The following MAPK4 variants were observed in gnomAD, a reference collection of about 807,000 sequenced individuals.
The protein encoded by MAPK4 is Erk3-related.
MAPK4 carries 22 observed loss-of-function variants against 47.7 expected under a neutral mutation model. The ratio of observed to expected loss-of-function variants is 0.46; its 90% CI spans 0.33 to 0.66. MAPK4 has a LOEUF of 0.66. MAPK4 is among the 30% of genes least tolerant of loss of function. The pLI is 0.02. For synonymous variants in MAPK4, 390 were observed against 365.7 expected (o/e 1.07, Z -0.76); for missense variants, 736 against 831.7 (o/e 0.88, Z 1.42).
chr18:50,717,035 G>T (rs1910676023), intron 3 of MAPK4, among the ~76,000 whole-genome samples: 1 of 152,098 alleles, frequency 6.6e-6, no homozygotes, highest in African/African-American at 2.4e-5. Flanking sequence ...TGAGGCTGTT[G>T]GCACCTACGT....
intron 4 of MAPK4, among the ~76,000 whole-genome samples, chr18:50,724,016 G>T (rs1038463104): frequency 6.6e-6 from 1 of 151,892 alleles, no homozygotes; most frequent in South Asian, 2.1e-4. Context: ...GTTGGTACTC[G>T]ACTTTTTTTC....
chr18:50,563,163 A>G (rs1299184302), intron 1 of MAPK4, among the ~76,000 whole-genome samples: 1 of 152,226 alleles, frequency 6.6e-6, no homozygotes, highest in Non-Finnish European at 1.5e-5. Flanking sequence ...CATAGAAAAT[A>G]TGGTAAGTAT....
chr18:50,701,080 A>G (rs1427436346), intron 2 of MAPK4, among the ~76,000 whole-genome samples: 1 of 152,144 alleles, frequency 6.6e-6, no homozygotes, highest in East Asian at 1.9e-4. Flanking sequence ...TCCGCCTATT[A>G]GAACATGGGC....
intron 1 of MAPK4, among the ~76,000 whole-genome samples, chr18:50,566,091 G>T (rs1312568549): frequency 6.6e-6 from 1 of 152,128 alleles, no homozygotes; most frequent in Non-Finnish European, 1.5e-5. Flanking sequence ...AAATATAAAT[G>T]CCTGGCCCTG....
intron 2 of MAPK4, among the ~76,000 whole-genome samples, chr18:50,682,033 G>T (rs1908617839): frequency 6.6e-6 from 1 of 152,128 alleles, no homozygotes; most frequent in South Asian, 2.1e-4. Flanking sequence ...AACCCATAGA[G>T]ACAGAAAATA....
intron 1 of MAPK4, among the ~76,000 whole-genome samples, chr18:50,625,714 T>C (rs4939992): frequency 0.89 from 135,729 of 152,082 alleles, 60,979 homozygotes; most frequent in South Asian, 0.95. Flanking sequence ...AGGTCTGAAG[T>C]TTATACAGCA....
At chr18:50,675,815 C>T (rs1474730784) in intron 2 of MAPK4, among the ~76,000 whole-genome samples, 3 of 151,924 alleles carry the variant, frequency 2.0e-5, no homozygotes, top group African/African-American at 4.8e-5. Context: ...TTAGTAGAGA[C>T]GGGGTTTCAC....
At chr18:50,583,417 A>G (rs541994669) in intron 1 of MAPK4, among the ~76,000 whole-genome samples, 31 of 152,210 alleles carry the variant, frequency 2.0e-4, no homozygotes, top group Non-Finnish European at 3.8e-4. Flanking sequence ...ATGAAACCCC[A>G]TCTCTACTAA....
chr18:50,583,710 A>C (rs1373503315), intron 1 of MAPK4, among the ~76,000 whole-genome samples: 1 of 152,088 alleles, frequency 6.6e-6, no homozygotes, highest in Non-Finnish European at 1.5e-5. Flanking sequence ...CAGGCTTTAA[A>C]CTGTCTTTGG....
intron 1 of MAPK4, among the ~76,000 whole-genome samples, chr18:50,607,953 A>G (rs890821639): frequency 6.6e-6 from 1 of 152,228 alleles, no homozygotes; most frequent in Non-Finnish European, 1.5e-5. Context: ...AAGAGCTACC[A>G]TTGAAGACAC....
chr18:50,638,034 G>A (rs1598853043), intron 1 of MAPK4, among the ~76,000 whole-genome samples: 1 of 152,194 alleles, frequency 6.6e-6, no homozygotes, highest in Non-Finnish European at 1.5e-5. Flanking sequence ...TGCACCTTAA[G>A]GGCATCATGC....
At chr18:50,680,009 G>A (rs1450756721) in intron 2 of MAPK4, among the ~76,000 whole-genome samples, 8 of 151,434 alleles carry the variant, frequency 5.3e-5, no homozygotes, top group African/African-American at 1.5e-4. Flanking sequence ...CACACACAGC[G>A]AGTTAGGAAA....
chr18:50,626,333 A>G lies in MAPK4; in HGVS notation c.-870-36756A>G, dbSNP rs564527093. The stretch of plus-strand genomic sequence containing the variant: ...CTCTGAACGTGAGGTCTGTGGAGGG[A>G]GGAAATGCTGTGGACCAGATGGTCA... On this transcript the variant is annotated intron_variant, in intron 1 of 5. Transcript: ENST00000400384. 3.9e-5 allele frequency among the ~76,000 whole-genome samples: 6 copies of G among 152,308 alleles called. No homozygotes were observed. The East Asian group carries it at 1.2e-3, about 29-fold the overall frequency.
chr18:50,719,267 C>T (rs554242185), intron 3 of MAPK4, among the ~76,000 whole-genome samples: 2 of 152,020 alleles, frequency 1.3e-5, no homozygotes, highest in Admixed American at 6.5e-5. Flanking sequence ...TCCTTGACCA[C>T]GTGCTGGGGA....
chr18:50,574,036 T>A (rs1264178897), intron 1 of MAPK4, among the ~76,000 whole-genome samples: 3 of 152,202 alleles, frequency 2.0e-5, no homozygotes, highest in Admixed American at 2.0e-4. Flanking sequence ...TGATTCCACA[T>A]CGGCGTTCTT....
intron 2 of MAPK4, among the ~76,000 whole-genome samples, chr18:50,693,894 T>C (rs1909367331): frequency 6.6e-6 from 1 of 152,184 alleles, no homozygotes; most frequent in Non-Finnish European, 1.5e-5. Flanking sequence ...CAATGCATTT[T>C]CCACCAAACA....
chr18:50,624,050 T>C (rs1048685022), intron 1 of MAPK4, among the ~76,000 whole-genome samples: 3 of 152,268 alleles, frequency 2.0e-5, no homozygotes, highest in African/African-American at 7.2e-5. Flanking sequence ...TCCCCTGACG[T>C]ATGCAATCAC....
chr18:50,587,243 AT>A (rs953381143), intron 1 of MAPK4, among the ~76,000 whole-genome samples: 2 of 152,134 alleles, frequency 1.3e-5, no homozygotes, highest in Non-Finnish European at 2.9e-5. Context: ...CTTGAATGGG[AT>A]TCGTGCCCTT....
At chr18:50,699,907 G>C (rs1909694853) in intron 2 of MAPK4, among the ~76,000 whole-genome samples, 1 of 152,212 alleles carries the variant, frequency 6.6e-6, no homozygotes, top group Non-Finnish European at 1.5e-5. Flanking sequence ...TCCCAAATGT[G>C]AAGTTTTTGT....
Sources: gnomAD v4.1 joint callset for allele counts (sites outside exome capture counted in the v4.1 genomes callset) on GRCh38, gnomAD v4.1.1 for gene constraint, MANE v1.5 for transcripts, NCBI Gene and HGNC (gene_info 2026-07-23, HGNC 2026-07-21) for gene names.